STRBP: variants seen among roughly 807,000 people sequenced by gnomAD.
STRBP encodes spermatid perinuclear RNA-binding protein.
A neutral mutation model predicts 80.1 loss-of-function variants in STRBP; 13 were observed. The observed-to-expected ratio is 0.16, with a 90% CI of 0.11 to 0.26. The LOEUF is 0.26. Ranked by LOEUF, STRBP falls within the 10% of genes least tolerant of loss-of-function variation. The pLI is 1.00. For synonymous variants in STRBP, 284 were observed against 291.2 expected, an observed-to-expected ratio of 0.98 and a Z score of 0.25; for missense variants, 485 against 815.2, an observed-to-expected ratio of 0.59 and a Z score of 4.93.
intron 1 of STRBP, among the ~76,000 whole-genome samples, chr9:123,243,185 T>C (rs944716697): frequency 2.1e-5 from 3 of 142,204 alleles, no homozygotes; most frequent in South Asian, 2.2e-4. Flanking sequence ...ACTAATTTCT[T>C]AGAAAAATGC....
At chr9:123,245,452 C>T (rs905240497) in intron 1 of STRBP, among the ~76,000 whole-genome samples, 4 of 152,216 alleles carry the variant, frequency 2.6e-5, no homozygotes, top group East Asian at 1.9e-4. Context: ...TGCAGTGGCA[C>T]GATCTCGGCT....
chr9:123,169,140 T>C (rs1183033866), intron 6 of STRBP, among the ~76,000 whole-genome samples: 1 of 151,906 alleles, frequency 6.6e-6, no homozygotes, highest in African/African-American at 2.4e-5. Context: ...ATACAGCTAT[T>C]AGAAGTCAAG....
chr9:123,212,131 A>G (rs1003478363), intron 2 of STRBP, among the ~76,000 whole-genome samples: 2 of 152,150 alleles, frequency 1.3e-5, no homozygotes, highest in Admixed American at 1.3e-4. Flanking sequence ...CAACATTAGG[A>G]TTTTCCTAAC....
intron 2 of STRBP, among the ~76,000 whole-genome samples, chr9:123,210,357 C>T (rs1192659687): frequency 6.7e-6 from 1 of 150,052 alleles, no homozygotes; most frequent in Non-Finnish European, 1.5e-5. Flanking sequence ...TTTTGGAATA[C>T]ATACACCCAA....
chr9:123,130,787 A>G (rs909932671), intron 17 of STRBP, among the ~76,000 whole-genome samples: 8 of 152,148 alleles, frequency 5.3e-5, no homozygotes, highest in Non-Finnish European at 1.0e-4. Flanking sequence ...TCCAGCTAAA[A>G]ACCCTAGGAG....
At chr9:123,172,966 T>A (rs1588041459) in intron 5 of STRBP, among the ~76,000 whole-genome samples, 2 of 152,242 alleles carry the variant, frequency 1.3e-5, no homozygotes, top group South Asian at 4.2e-4. Flanking sequence ...AGCTGTAATT[T>A]AATTGGACCA....
At chr9:123,236,044 C>T (rs987155287) in intron 2 of STRBP, among the ~76,000 whole-genome samples, 1 of 152,162 alleles carries the variant, frequency 6.6e-6, no homozygotes, top group East Asian at 1.9e-4. Context: ...CTAGCAAGAA[C>T]ATTTCAACAC....
chr9:123,160,879 T>G (rs1171188222), intron 7 of STRBP, 98 bp downstream of exon 7: 3 of 960,536 alleles, frequency 3.1e-6, no homozygotes, highest in Non-Finnish European at 4.6e-6. Context: ...AAAGCACCCC[T>G]CATTTTATGT....
At chr9:123,197,174 T>TGGAAGCTAAAAATTAA (rs2039121775) in intron 2 of STRBP, among the ~76,000 whole-genome samples, 1 of 152,120 alleles carries the variant, frequency 6.6e-6, no homozygotes, top group African/African-American at 2.4e-5. Flanking sequence ...TACTCATCTG[T>TGGAAGCTAAAAATTAA]GGAAGCTAAA....
chr9:123,187,789 T>C (rs963295731), intron 2 of STRBP, among the ~76,000 whole-genome samples: 26 of 111,170 alleles, frequency 2.3e-4, no homozygotes, highest in Admixed American at 7.0e-4. Flanking sequence ...CCACCACACA[T>C]AGTTTCTCCT....
intron 1 of STRBP, among the ~76,000 whole-genome samples, chr9:123,240,596 C>A (rs2132605158): frequency 6.6e-6 from 1 of 152,268 alleles, no homozygotes; most frequent in South Asian, 2.1e-4. Context: ...TTTTCTATAT[C>A]CTTATCTTTC....
chr9:123,253,336 T>C (rs916357672), intron 1 of STRBP, among the ~76,000 whole-genome samples: 13 of 152,372 alleles, frequency 8.5e-5, no homozygotes, highest in African/African-American at 2.9e-4. Flanking sequence ...ATACAAATCA[T>C]AGTGGGACAG....
At chr9:123,207,096 T>TA (rs913145258) in intron 2 of STRBP, among the ~76,000 whole-genome samples, 5 of 151,718 alleles carry the variant, frequency 3.3e-5, no homozygotes, top group African/African-American at 1.2e-4. Flanking sequence ...TATAAAAGAA[T>TA]AAAAAAAACA....
At chr9:123,155,864 G>A (rs2132382002) in intron 11 of STRBP, among the ~76,000 whole-genome samples, 1 of 151,900 alleles carries the variant, frequency 6.6e-6, no homozygotes, top group East Asian at 1.9e-4. Context: ...CACGAATAAA[G>A]TTTAAACGTG....
chr9:123,230,800 G>T (rs886462288), intron 2 of STRBP, among the ~76,000 whole-genome samples: 7 of 152,196 alleles, frequency 4.6e-5, no homozygotes, highest in African/African-American at 1.7e-4. Context: ...TAAACAGCTT[G>T]TGTCTTCCAC....
downstream of STRBP, among the ~76,000 whole-genome samples, chr9:123,118,333 A>G (rs1457666803): frequency 2.0e-5 from 3 of 152,052 alleles, no homozygotes; most frequent in African/African-American, 7.2e-5. Flanking sequence ...GCTGCTGTTC[A>G]CCTCATTACT....
chr9:123,169,412 C>A (rs900180646), intron 6 of STRBP, among the ~76,000 whole-genome samples: 8 of 152,040 alleles, frequency 5.3e-5, no homozygotes, highest in Non-Finnish European at 1.0e-4. Context: ...CTCAAGCAAT[C>A]CACACACCTC....
chr9:123,121,930 T>C lies in STRBP; in HGVS notation c.*3667A>G, dbSNP rs544131484. On this transcript the variant is annotated 3_prime_UTR_variant, in exon 19 of 19. Transcript: ENST00000348403. Reference sequence around the variant, plus strand: ...GGTATGTGTGTGTAATTTACATACGTGTTATATCCTAAGTTTCTACACACA... The same window carrying C: ...GGTATGTGTGTGTAATTTACATACGCGTTATATCCTAAGTTTCTACACACA... 1 of 139,728 alleles carries C rather than the reference T, an allele frequency of 7.2e-6. No individual in the cohort carries two copies. Among genetic ancestry groups the C allele is most frequent in the Non-Finnish European group, 1.5e-5 (1 of 67,228 alleles). 8.7% of individuals were successfully genotyped at this position (139,728 alleles called of 1,614,324 possible). A position where few individuals can be genotyped will look rare whatever the true frequency, so the allele number is the denominator to read the frequency against.
At chr9:123,257,623 T>C (rs2041062402) in intron 1 of STRBP, among the ~76,000 whole-genome samples, 1 of 152,198 alleles carries the variant, frequency 6.6e-6, no homozygotes, top group Non-Finnish European at 1.5e-5. Context: ...AAGACCAACC[T>C]GGGCAACACA....
Sources: allele counts gnomAD v4.1 joint callset (sites outside exome capture counted in the v4.1 genomes callset), GRCh38; gene constraint gnomAD v4.1.1; transcripts MANE v1.5; gene names NCBI Gene and HGNC (gene_info 2026-07-23, HGNC 2026-07-21).